The following ZNF345 variants were observed in gnomAD, a reference collection of about 807,000 sequenced individuals.
ZNF345 encodes the protein zinc finger protein 345, also known as zinc finger protein HZF10.
For synonymous variants in ZNF345, 166 were observed against 187.9 expected (o/e 0.88, Z 0.95); for missense variants, 527 against 589.9 (o/e 0.89, Z 1.10).
chr19:36,887,086 C>G (rs1238926155), intron 3 of ZNF345, among the ~76,000 whole-genome samples: 1 of 151,860 alleles, frequency 6.6e-6, no homozygotes, highest in Non-Finnish European at 1.5e-5. Context: ...CCACTTGAAC[C>G]CGGGATTCAC....
chr19:36,886,042 A>G (rs1409022562), intron 3 of ZNF345, among the ~76,000 whole-genome samples: 1 of 152,222 alleles, frequency 6.6e-6, no homozygotes, highest in Non-Finnish European at 1.5e-5. Flanking sequence ...GATTTAGATG[A>G]TATCACTCCA....
chr19:36,853,290 C>T (rs1190631483), intron 2 of ZNF345, among the ~76,000 whole-genome samples: 1 of 147,768 alleles, frequency 6.8e-6, no homozygotes, highest in African/African-American at 2.5e-5. Context: ...CTCTTATTGC[C>T]CAGGCTGGAG....
chr19:36,864,315 A>G (rs1221053919), intron 2 of ZNF345, among the ~76,000 whole-genome samples: 2 of 152,178 alleles, frequency 1.3e-5, no homozygotes, highest in Non-Finnish European at 2.9e-5. Flanking sequence ...ACTTAAAGCC[A>G]GGAATTTCAG....
intron 3 of ZNF345, chr19:36,890,432 A>T (rs528210871): frequency 6.6e-6 from 1 of 152,022 alleles, no homozygotes; most frequent in South Asian, 2.1e-4. Context: ...TGTGTTATGG[A>T]TCTGGGTGTT....
At chr19:36,891,557 C>T (rs763558897) in intron 3 of ZNF345, 1 of 1,610,498 alleles carries the variant, frequency 6.2e-7, no homozygotes, top group Non-Finnish European at 8.5e-7. Context: ...TTTCCACATT[C>T]CTTACAGTCA....
At chr19:36,875,695 A>T (rs1371214766) in intron 2 of ZNF345, among the ~76,000 whole-genome samples, 1 of 152,188 alleles carries the variant, frequency 6.6e-6, no homozygotes, top group Non-Finnish European at 1.5e-5. Context: ...CCAGTTGGAG[A>T]CTGAAAGAAC....
At chr19:36,855,508 G>A (rs2072397522) in intron 2 of ZNF345, among the ~76,000 whole-genome samples, 1 of 137,088 alleles carries the variant, frequency 7.3e-6, no homozygotes, top group South Asian at 2.4e-4. Flanking sequence ...AGGCTGGAGT[G>A]CAATGATGTG....
chr19:36,853,853 C>T (rs1281458036), intron 2 of ZNF345, among the ~76,000 whole-genome samples: 2 of 152,324 alleles, frequency 1.3e-5, no homozygotes, highest in Non-Finnish European at 2.9e-5. Flanking sequence ...TCTTTTTCCT[C>T]AAGAGTGTCT....
At chr19:36,865,654 A>G (rs2072644153) in intron 2 of ZNF345, among the ~76,000 whole-genome samples, 1 of 152,140 alleles carries the variant, frequency 6.6e-6, no homozygotes, top group Non-Finnish European at 1.5e-5. Context: ...TTTTAAATGG[A>G]TAGATGATTA....
intron 2 of ZNF345, among the ~76,000 whole-genome samples, chr19:36,853,800 C>G (rs962437782): frequency 3.1e-4 from 47 of 152,184 alleles, no homozygotes; most frequent in African/African-American, 1.0e-3. Flanking sequence ...AACATACTGT[C>G]TTACTCACTG....
Position 36,877,732 on chromosome 19 carries a change from T to G in ZNF345, c.902T>G (p.Leu301Arg). The stretch of plus-strand genomic sequence containing the variant: ...AAGGCTTTTAATAGTGGCTCAGATC[T>G]CACTCAGCATCAGAGAATTCACACT... ...CGKAFNSGSD[L>R]TQHQRIHTGE... The change falls in exon 3 of 3, where the codon CTC (leucine) becomes CGC (arginine). Residue 301 changes from leucine to arginine, a missense_variant. Leu to Arg is a moderately radical substitution (Grantham distance 102). Transcript: ENST00000420450. The G allele has an allele frequency of 6.2e-7, 1 of 1,614,050 alleles. No homozygotes were observed. The highest frequency in any genetic ancestry group is 8.5e-7 in the Non-Finnish European group (1 of 1,179,978).
At chr19:36,876,647 A>T (rs2072885858) in intron 2 of ZNF345, 138 bp from the exon 3 acceptor site, 1 of 437,330 alleles carries the variant, frequency 2.3e-6, no homozygotes, top group Non-Finnish European at 3.9e-6. Context: ...CAAATTGCCC[A>T]GTCATATGTG....
chr19:36,875,377 A>G (rs1007478274), intron 2 of ZNF345, among the ~76,000 whole-genome samples: 3 of 152,136 alleles, frequency 2.0e-5, no homozygotes, highest in Non-Finnish European at 4.4e-5. Flanking sequence ...GGGGCAGTGG[A>G]TATAGGGGGA....
At chr19:36,852,409 A>G (rs763707687) in intron 2 of ZNF345, among the ~76,000 whole-genome samples, 11 of 151,962 alleles carry the variant, frequency 7.2e-5, no homozygotes, top group Non-Finnish European at 1.6e-4. Context: ...TCAAGAGATC[A>G]AGATCATCCT....
At chr19:36,887,192 AC>A (rs1568364524) in intron 3 of ZNF345, among the ~76,000 whole-genome samples, 1,744 of 151,388 alleles carry the variant, frequency 0.012, 42 homozygotes, top group African/African-American at 0.04. Flanking sequence ...CACCACCACC[AC>A]CACCAACAAC....
intron 2 of ZNF345, among the ~76,000 whole-genome samples, chr19:36,859,308 G>A (rs923719739): frequency 2.0e-5 from 3 of 151,454 alleles, no homozygotes; most frequent in African/African-American, 4.9e-5. Context: ...GGCATGCACC[G>A]CCACACCCAG....
At chr19:36,886,387 T>C (rs2072996615) in intron 3 of ZNF345, among the ~76,000 whole-genome samples, 1 of 152,216 alleles carries the variant, frequency 6.6e-6, no homozygotes, top group Non-Finnish European at 1.5e-5. Flanking sequence ...GTCATCATGC[T>C]GATAGTATGA....
intron 3 of ZNF345, chr19:36,891,684 T>C: frequency 1.2e-6 from 2 of 1,613,816 alleles, no homozygotes; most frequent in Non-Finnish European, 1.7e-6. Context: ...TTCTCTGATG[T>C]TGAATAAGTT....
chr19:36,891,386 G>T, intron 3 of ZNF345: 2 of 1,185,678 alleles, frequency 1.7e-6, no homozygotes, highest in Non-Finnish European at 2.3e-6. Context: ...GTTTAAAAAC[G>T]AATACATAGG....
Sources: allele counts gnomAD v4.1 joint callset (sites outside exome capture counted in the v4.1 genomes callset), GRCh38; gene constraint gnomAD v4.1.1; transcripts MANE v1.5; gene names NCBI Gene and HGNC (gene_info 2026-07-23, HGNC 2026-07-21).